DIP2C: variants seen among roughly 807,000 people sequenced by gnomAD.
DIP2C encodes the protein DIP2 acetate--CoA ligase C (putative).
A neutral mutation model predicts 192.4 loss-of-function variants in DIP2C; 33 were observed. The observed-to-expected ratio is 0.17, with a 90% CI of 0.13 to 0.23. The LOEUF (loss-of-function observed/expected upper bound fraction) is 0.23. DIP2C is among the 10% of genes least tolerant of loss of function. The pLI is 1.00. For synonymous variants in DIP2C, 979 were observed against 864.1 expected (o/e 1.13, Z -2.33); for missense variants, 1,537 against 2,110.1 (o/e 0.73, Z 5.32).
rs553690751 is a variant in DIP2C at position 545,744 on chromosome 10, A to T, written c.86-59214T>A. Reference sequence around the variant, plus strand: ...TCTTACACTGGATCCATTTTGAGCTATTTTTTTGTGTAGGGTGAGGGAGGG... The same window carrying T: ...TCTTACACTGGATCCATTTTGAGCTTTTTTTTTGTGTAGGGTGAGGGAGGG... On this transcript the variant is annotated intron_variant, in intron 1 of 36. Transcript: ENST00000280886. Among the ~76,000 whole-genome samples, 5 of 152,206 alleles carry T rather than the reference A, an allele frequency of 3.3e-5. No individual in the cohort carries two copies. The East Asian group carries it at 9.7e-4, about 29-fold the overall frequency.
intron 26 of DIP2C, 184 bp from the exon 27 acceptor site, chr10:345,294 G>GGGGCA (rs1958385015): frequency 1.4e-6 from 1 of 703,448 alleles, no homozygotes; most frequent in African/African-American, 1.7e-5. Flanking sequence ...TGGAGGCACG[G>GGGGCA]GGGCAGGGCA....
rs191367041 is a variant in DIP2C at position 375,231 on chromosome 10, G to A, written c.1992-5598C>T. On this transcript the variant is annotated intron_variant, in intron 17 of 36. Transcript: ENST00000280886. Reference sequence around the variant, plus strand: ...GAGAGTTCTCACTTTATGAGTTCACGTGGGATCTAGTTGTTTAGAATAGAG... The same window carrying A: ...GAGAGTTCTCACTTTATGAGTTCACATGGGATCTAGTTGTTTAGAATAGAG... Among the ~76,000 whole-genome samples the A allele has an allele frequency of 2.1e-3, 314 of 152,314 alleles. 1 individual carries two copies. The highest frequency in any genetic ancestry group is 0.014 in the Middle Eastern group (4 of 294).
intron 1 of DIP2C, among the ~76,000 whole-genome samples, chr10:540,629 T>TG (rs1217309324): frequency 6.6e-6 from 1 of 152,232 alleles, no homozygotes; most frequent in Non-Finnish European, 1.5e-5. Context: ...AATATGGCGG[T>TG]GATCGTGGCA....
chr10:405,099 G>A (rs4332447), intron 9 of DIP2C, among the ~76,000 whole-genome samples: 151,313 of 152,382 alleles, frequency 0.99, 75,135 homozygotes, highest in Middle Eastern at 1. Flanking sequence ...AACATGTTCA[G>A]TTCTGACTTG....
At chr10:396,434 A>C (rs1190062618) in intron 10 of DIP2C, among the ~76,000 whole-genome samples, 1 of 152,250 alleles carries the variant, frequency 6.6e-6, no homozygotes, top group African/African-American at 2.4e-5. Flanking sequence ...ATGGATAAAT[A>C]CAAATTATTA....
At chr10:514,921 G>A (rs1270906577) in intron 1 of DIP2C, among the ~76,000 whole-genome samples, 1 of 152,178 alleles carries the variant, frequency 6.6e-6, no homozygotes, top group Non-Finnish European at 1.5e-5. Flanking sequence ...CTGTAGCTAA[G>A]CAACTTCAGT....
chr10:329,308 C>T lies in DIP2C; in HGVS notation c.3753+125G>A, dbSNP rs560208297. On this transcript the variant is annotated intron_variant, in intron 30 of 36. Coordinates refer to ENST00000280886, the MANE Select transcript of DIP2C (RefSeq NM_014974.3). ...AAGGCAGTTTGTAAGCTTCAGGTGA[C>T]GTTAGATTAAACCCAGGCTTTGTTT... The T allele has an allele frequency of 1.4e-5, 14 of 1,020,442 alleles. No individual in the cohort carries two copies. In the South Asian group the frequency reaches 2.1e-4, roughly 15 times the overall value. 63.2% of individuals were successfully genotyped at this position (1,020,442 alleles called of 1,614,324 possible).
chr10:571,412 G>A lies in DIP2C; in HGVS notation c.86-84882C>T, dbSNP rs572928660. Among the ~76,000 whole-genome samples the A allele has an allele frequency of 5.3e-5, 8 of 152,158 alleles. No individual in the cohort carries two copies. In the East Asian group the frequency reaches 9.7e-4, roughly 18 times the overall value. ...CCCGCGAGGGTCGGGAACCGGCTCC[G>A]GGGCTCATTTCCCAGGCTCCTGCCC... On this transcript the variant is annotated intron_variant, in intron 1 of 36. Coordinates refer to ENST00000280886, the MANE Select transcript of DIP2C (RefSeq NM_014974.3).
intron 1 of DIP2C, among the ~76,000 whole-genome samples, chr10:528,527 G>A (rs1165702168): frequency 6.6e-6 from 1 of 152,244 alleles, no homozygotes; most frequent in African/African-American, 2.4e-5. Flanking sequence ...TGGACACTTA[G>A]TGGCTTTTTG....
At chr10:286,387 TACAGGGAGAG>T in intron 33 of DIP2C, 40 bp from the exon 34 acceptor site, 1 of 1,578,250 alleles carries the variant, frequency 6.3e-7, no homozygotes, top group East Asian at 2.2e-5. Context: ...ATGGGAGGAA[TACAGGGAGAG>T]ACTACACACA....
At chr10:459,882 ACC>A (rs1236493989) in intron 3 of DIP2C, among the ~76,000 whole-genome samples, 1 of 130,998 alleles carries the variant, frequency 7.6e-6, no homozygotes. Flanking sequence ...TCAGGGAACC[ACC>A]TGCTGCACGT....
intron 13 of DIP2C, among the ~76,000 whole-genome samples, chr10:388,228 C>T (rs1013741135): frequency 3.9e-5 from 6 of 152,198 alleles, no homozygotes; most frequent in African/African-American, 1.2e-4. Flanking sequence ...CACAGCTCTA[C>T]TGCAAGTCTC....
chr10:278,411 T>C (rs1467075849), intron 36 of DIP2C, among the ~76,000 whole-genome samples: 1 of 152,182 alleles, frequency 6.6e-6, no homozygotes, highest in African/African-American at 2.4e-5. Context: ...GGGCTGGATA[T>C]GGGGGCTTCT....
chr10:486,215 C>T (rs1844002981), intron 2 of DIP2C, among the ~76,000 whole-genome samples: 1 of 152,190 alleles, frequency 6.6e-6, no homozygotes, highest in Non-Finnish European at 1.5e-5. Context: ...AGTAACCAAC[C>T]CAATACCGAT....
At chr10:498,836 G>T (rs1157395030) in intron 1 of DIP2C, among the ~76,000 whole-genome samples, 1 of 152,168 alleles carries the variant, frequency 6.6e-6, no homozygotes. Context: ...GAATTAAGGA[G>T]GCAATGCGCA....
At chr10:638,468 CAG>C (rs1287466730) in intron 1 of DIP2C, among the ~76,000 whole-genome samples, 5 of 152,194 alleles carry the variant, frequency 3.3e-5, no homozygotes, top group African/African-American at 9.7e-5. Context: ...AAAGGCTTTA[CAG>C]AGAGTCAAAT....
chr10:528,547 C>A (rs115570648), intron 1 of DIP2C, among the ~76,000 whole-genome samples: 4 of 152,290 alleles, frequency 2.6e-5, no homozygotes, highest in Admixed American at 2.0e-4. Context: ...GCTGGAGATG[C>A]GCTTTGTGCA....
chr10:596,716 G>A (rs551160783), intron 1 of DIP2C, among the ~76,000 whole-genome samples: 7 of 152,198 alleles, frequency 4.6e-5, no homozygotes, highest in South Asian at 2.1e-4. Flanking sequence ...CAGATGCTGC[G>A]GGAAGTGGAA....
At chr10:604,851 G>A (rs887984423) in intron 1 of DIP2C, among the ~76,000 whole-genome samples, 8 of 152,284 alleles carry the variant, frequency 5.3e-5, no homozygotes, top group Admixed American at 5.2e-4. Flanking sequence ...CTGGAGCGAA[G>A]GAAAAGCACA....
Sources: gnomAD v4.1 joint callset for allele counts (sites outside exome capture counted in the v4.1 genomes callset) on GRCh38, gnomAD v4.1.1 for gene constraint, MANE v1.5 for transcripts, NCBI Gene and HGNC (gene_info 2026-07-23, HGNC 2026-07-21) for gene names.